Variants in CNOT6L observed in about 807,000 individuals in gnomAD.
CNOT6L encodes CCR4-NOT transcription complex subunit 6 like.
CNOT6L carries 7 observed loss-of-function variants against 64.0 expected under a neutral mutation model. The ratio of observed to expected loss-of-function variants is 0.11; its 90% CI spans 0.06 to 0.21. CNOT6L has a LOEUF of 0.21. CNOT6L is among the 10% of genes least tolerant of loss of function. The pLI, the probability that CNOT6L is intolerant of heterozygous loss-of-function variation, is 1.00. For synonymous variants in CNOT6L, 193 were observed against 243.4 expected (o/e 0.79, Z 1.93); for missense variants, 245 against 669.0 (o/e 0.37, Z 6.99).
chr4:77,747,276 C>T (rs909481810), intron 6 of CNOT6L, among the ~76,000 whole-genome samples: 1 of 152,114 alleles, frequency 6.6e-6, no homozygotes, highest in Admixed American at 6.5e-5. Flanking sequence ...AAGCGATTCT[C>T]GTGCCTCAGC....
At chr4:77,764,589 T>C (rs1015388897) in intron 4 of CNOT6L, among the ~76,000 whole-genome samples, 1 of 152,158 alleles carries the variant, frequency 6.6e-6, no homozygotes, top group Admixed American at 6.5e-5. Context: ...TTGGGACCCC[T>C]TTCCAGTAAC....
intron 1 of CNOT6L, among the ~76,000 whole-genome samples, chr4:77,803,528 A>G (rs1731847286): frequency 6.6e-6 from 1 of 152,216 alleles, no homozygotes; most frequent in South Asian, 2.1e-4. Context: ...GATAATCATC[A>G]AAAATACAGA....
In CNOT6L at chr4:77,726,034, T is replaced by C. The variant is rs554703151; in HGVS notation, c.1455+133A>G. 65 of 780,794 alleles carry C rather than the reference T, an allele frequency of 8.3e-5. 1 individual carries two copies. In the Middle Eastern group the frequency reaches 1.1e-3, roughly 13 times the overall value. The allele number at this position is 780,794 out of a possible 1,614,324, so 48.4% of individuals were successfully genotyped here. ...ATAAACCTACTTATATTTAGGTGCA[T>C]ACTTAGCCTAGACATTTTAAGAATC... On this transcript the variant is annotated intron_variant, in intron 11 of 11. Transcript: ENST00000504123.
chr4:77,819,206 C>A, intron 1 of CNOT6L, 98 bp downstream of exon 1: 1 of 1,609,742 alleles, frequency 6.2e-7, no homozygotes, highest in Non-Finnish European at 8.5e-7. Flanking sequence ...ACTCGCACAC[C>A]CACACGCACA....
At chr4:77,730,966 G>C (rs1722388807) in intron 9 of CNOT6L, among the ~76,000 whole-genome samples, 1 of 152,074 alleles carries the variant, frequency 6.6e-6, no homozygotes, top group Non-Finnish European at 1.5e-5. Context: ...CCCTGACAAT[G>C]ACTGAGATAT....
intron 1 of CNOT6L, among the ~76,000 whole-genome samples, chr4:77,801,309 C>G (rs901871665): frequency 3.9e-5 from 6 of 152,130 alleles, no homozygotes; most frequent in Non-Finnish European, 8.8e-5. Flanking sequence ...TCTGCAAAAG[C>G]AACAAAGCAA....
chr4:77,789,797 A>G (rs1225578830), intron 1 of CNOT6L, among the ~76,000 whole-genome samples: 1 of 151,946 alleles, frequency 6.6e-6, no homozygotes, highest in Non-Finnish European at 1.5e-5. Flanking sequence ...CAAAAAATAC[A>G]AAAATTAGCT....
chr4:77,726,120 C>A (rs752741620), intron 11 of CNOT6L, 47 bp downstream of exon 11: 1 of 1,505,072 alleles, frequency 6.6e-7, no homozygotes, highest in African/African-American at 1.4e-5. Context: ...TTGTTACATG[C>A]TTGTATCTGA....
At chr4:77,785,713 T>C (rs1417656077) in intron 1 of CNOT6L, among the ~76,000 whole-genome samples, 1 of 152,062 alleles carries the variant, frequency 6.6e-6, no homozygotes, top group Non-Finnish European at 1.5e-5. Flanking sequence ...CGCTACACAT[T>C]AGAAGGATTA....
At chr4:77,774,805 T>C (rs1398596408) in intron 2 of CNOT6L, 89 bp from the exon 3 acceptor site, 3 of 748,016 alleles carry the variant, frequency 4.0e-6, no homozygotes, top group Non-Finnish European at 4.1e-6. Context: ...TAAGAGAGGC[T>C]GCAAATACAC....
At chr4:77,820,263 G>A (rs575692017), upstream of CNOT6L, among the ~76,000 whole-genome samples, 15 of 152,318 alleles carry the variant, frequency 9.8e-5, no homozygotes, top group Admixed American at 9.1e-4. Flanking sequence ...AGGGGCTGGC[G>A]GGAGTCAGTC....
At chr4:77,778,042 G>A (rs141520693) in intron 1 of CNOT6L, among the ~76,000 whole-genome samples, 12 of 152,252 alleles carry the variant, frequency 7.9e-5, no homozygotes, top group African/African-American at 2.9e-4. Context: ...CAATTTGGGC[G>A]ATGCTAAACC....
chr4:77,743,586 CTTTTTTTTTTTTTTTTTTTTTTT>C (rs142888128), intron 7 of CNOT6L, among the ~76,000 whole-genome samples: 2 of 70,872 alleles, frequency 2.8e-5, no homozygotes, highest in Admixed American at 3.6e-4. Context: ...TAACACACAA[CTTTTTTTTTTTTTTTTTTTTTTT>C]TTTTTTTTTT....
At chr4:77,808,567 A>G (rs540085789) in intron 1 of CNOT6L, among the ~76,000 whole-genome samples, 1 of 152,220 alleles carries the variant, frequency 6.6e-6, no homozygotes, top group South Asian at 2.1e-4. Context: ...TTATTAAAGG[A>G]CTGTAAGCAG....
chr4:77,748,437 A>T, intron 5 of CNOT6L, 53 bp from the exon 6 acceptor site: 1 of 1,166,564 alleles, frequency 8.6e-7, no homozygotes, highest in Non-Finnish European at 1.3e-6. Context: ...TGAAATCTGA[A>T]ATGTGTTTAT....
intron 5 of CNOT6L, among the ~76,000 whole-genome samples, chr4:77,748,882 A>ACCC (rs1406120246): frequency 6.6e-6 from 1 of 152,168 alleles, no homozygotes; most frequent in Non-Finnish European, 1.5e-5. Context: ...AACAAGAGAT[A>ACCC]AGGATAGAAC....
chr4:77,818,042 T>C (rs979082700), intron 1 of CNOT6L, among the ~76,000 whole-genome samples: 13 of 152,248 alleles, frequency 8.5e-5, no homozygotes, highest in African/African-American at 3.1e-4. Context: ...TCAAAATAGC[T>C]TTCCAGCAGC....
intron 8 of CNOT6L, among the ~76,000 whole-genome samples, chr4:77,733,055 GTCCA>G (rs1329433370): frequency 6.6e-6 from 1 of 152,044 alleles, no homozygotes; most frequent in Non-Finnish European, 1.5e-5. Context: ...ATTGACCATT[GTCCA>G]TATCAGACTT....
intron 1 of CNOT6L, among the ~76,000 whole-genome samples, chr4:77,817,156 T>C (rs1335203087): frequency 1.3e-5 from 2 of 152,096 alleles, no homozygotes; most frequent in African/African-American, 4.8e-5. Flanking sequence ...AAAATTTTTT[T>C]CCAGGGCTAC....
Sources: allele counts gnomAD v4.1 joint callset (sites outside exome capture counted in the v4.1 genomes callset), GRCh38; gene constraint gnomAD v4.1.1; transcripts MANE v1.5; gene names NCBI Gene and HGNC (gene_info 2026-07-23, HGNC 2026-07-21).